Variants in EHD3 observed in about 807,000 individuals in gnomAD.
EHD3 encodes the protein EH domain-containing protein 3.
Under a neutral mutation model 43.0 loss-of-function variants are expected in EHD3, and 17 were observed. That is an observed-to-expected ratio of 0.40 (90% CI 0.27 to 0.59). The LOEUF is 0.59. EHD3 is among the 20% of genes least tolerant of loss of function. The pLI is 0.49. For synonymous variants in EHD3, 313 were observed against 289.5 expected (o/e 1.08, Z -0.82); for missense variants, 594 against 705.6 (o/e 0.84, Z 1.79).
intron 2 of EHD3, among the ~76,000 whole-genome samples, chr2:31,249,040 G>T (rs75129835): frequency 0.084 from 12,742 of 152,220 alleles, 1,048 homozygotes; most frequent in African/African-American, 0.22. Flanking sequence ...CTAAGGACTT[G>T]GGGCCATAAG....
At chr2:31,257,187 G>C (rs1160610371) in intron 3 of EHD3, among the ~76,000 whole-genome samples, 1 of 152,218 alleles carries the variant, frequency 6.6e-6, no homozygotes, top group South Asian at 2.1e-4. Flanking sequence ...TTGCAGAGGT[G>C]GGGGTTGGGG....
At position 31,266,402 on chromosome 2, in the gene EHD3, G is replaced by A; in HGVS notation, c.1306G>A (p.Asp436Asn). ...YGEGAGEGID[D>N]AEWVVARDKP... Reference sequence around the variant, plus strand: ...GGAGGGGGCTGGAGAAGGTATCGATGATGCTGAGTGGGTGGTGGCCAGGGA... The same window carrying A: ...GGAGGGGGCTGGAGAAGGTATCGATAATGCTGAGTGGGTGGTGGCCAGGGA... Residue 436 changes from aspartate (D) to asparagine (N), a missense_variant, in exon 6 of 6, where the codon GAT becomes AAT. Asp to Asn is a conservative substitution (Grantham distance 23, BLOSUM62 1). Coordinates refer to ENST00000322054, the MANE Select transcript of EHD3 (RefSeq NM_014600.3). This position sits in a 1 kb window ranked among gnomAD's most constrained non-coding sequence, Gnocchi z 5.1. The A allele has an allele frequency of 1.2e-6, 2 of 1,614,068 alleles. No individual in the cohort carries two copies. Among genetic ancestry groups the A allele is most frequent in the South Asian group, 1.1e-5 (1 of 91,070 alleles).
intron 3 of EHD3, among the ~76,000 whole-genome samples, chr2:31,255,539 A>T (rs915731984): frequency 6.6e-6 from 1 of 152,194 alleles, no homozygotes; most frequent in Non-Finnish European, 1.5e-5. Flanking sequence ...ATCCTATACC[A>T]TACCCTTTTT....
intron 3 of EHD3, among the ~76,000 whole-genome samples, chr2:31,249,849 G>A (rs1683600520): frequency 6.6e-6 from 1 of 152,210 alleles, no homozygotes. Context: ...AATGCATACA[G>A]AGAAATTCAG....
chr2:31,249,522 T>C, intron 3 of EHD3, 54 bp downstream of exon 3: 1 of 1,542,022 alleles, frequency 6.5e-7, no homozygotes, highest in Non-Finnish European at 9.0e-7. Context: ...TCTGGCACGT[T>C]CAGTCTCTTA....
intron 1 of EHD3, among the ~76,000 whole-genome samples, chr2:31,237,996 T>C (rs1361257954): frequency 6.6e-6 from 1 of 152,186 alleles, no homozygotes; most frequent in Non-Finnish European, 1.5e-5. Context: ...TGTGTGTTTT[T>C]TTTGTTTGTT....
chr2:31,234,693 G>A lies in EHD3; in HGVS notation c.72G>A (p.Gly24=). Residue 24 remains glycine (G), a synonymous_variant, in exon 1 of 6, where the codon GGG becomes GGA. Coordinates refer to ENST00000322054, the MANE Select transcript of EHD3 (RefSeq NM_014600.3). ...AGGTTTTCCAGACGGTGAGTGAGGG[G>A]CTCAAGAAACTCTACAAGAGCAAGC... is the stretch of plus-strand genomic sequence containing the variant. ...DPEVFQTVSE[G]LKKLYKSKLL... is the part of the protein sequence containing the mutation. 1 of 1,614,220 alleles carries A rather than the reference G, an allele frequency of 6.2e-7. No individual in the cohort carries two copies. Among genetic ancestry groups the A allele is most frequent in the South Asian group, 1.1e-5 (1 of 91,092 alleles).
intron 3 of EHD3, among the ~76,000 whole-genome samples, chr2:31,255,426 C>A (rs909157562): frequency 6.8e-6 from 1 of 147,854 alleles, no homozygotes. Flanking sequence ...ACCACAGAGT[C>A]CTCATTCAGC....
At chr2:31,261,886 CAG>C (rs973032319) in intron 5 of EHD3, among the ~76,000 whole-genome samples, 173 bp downstream of exon 5, 2 of 152,218 alleles carry the variant, frequency 1.3e-5, no homozygotes, top group Non-Finnish European at 2.9e-5. Flanking sequence ...ACTGGCCCAA[CAG>C]GGGCCATGTC....
chr2:31,241,802 G>A (rs1009472993), intron 1 of EHD3, among the ~76,000 whole-genome samples: 4 of 152,192 alleles, frequency 2.6e-5, no homozygotes, highest in Non-Finnish European at 5.9e-5. Context: ...CTCCCAGGAG[G>A]CCCTGAAGGA....
At chr2:31,261,038 A>G in intron 4 of EHD3, 116 bp downstream of exon 4, 1 of 1,207,424 alleles carries the variant, frequency 8.3e-7, no homozygotes, top group East Asian at 2.5e-5. Context: ...TGTGACACCA[A>G]GGGGCAGGAC....
chr2:31,251,188 C>A (rs775740436), intron 3 of EHD3, among the ~76,000 whole-genome samples: 1 of 152,212 alleles, frequency 6.6e-6, no homozygotes, highest in Non-Finnish European at 1.5e-5. Flanking sequence ...CTCCTGTGAG[C>A]TGCCTTGGTG....
In EHD3 at chr2:31,234,724, C is replaced by G; in HGVS notation, c.103C>G (p.Pro35Ala). Reference protein sequence around the residue: ...LKKLYKSKLLPLEEHYRFHEF... With the variant: ...LKKLYKSKLLALEEHYRFHEF... ...GAAACTCTACAAGAGCAAGCTGCTG[C>G]CCTTGGAAGAGCATTACCGCTTCCA... Residue 35 changes from proline to alanine, a missense_variant, in exon 1 of 6, where the codon CCC becomes GCC. Pro to Ala is a conservative substitution (Grantham distance 27). Coordinates refer to ENST00000322054, the MANE Select transcript of EHD3 (RefSeq NM_014600.3). 1 of 1,614,234 alleles carries G rather than the reference C, an allele frequency of 6.2e-7. No individual in the cohort carries two copies. The highest frequency in any genetic ancestry group is 8.5e-7 in the Non-Finnish European group (1 of 1,180,038).
chr2:31,235,374 A>G (rs1010090358), intron 1 of EHD3, among the ~76,000 whole-genome samples: 7 of 151,938 alleles, frequency 4.6e-5, no homozygotes, highest in African/African-American at 1.7e-4. Flanking sequence ...TCCTTTTATC[A>G]TTTCCTTCTC....
intron 1 of EHD3, among the ~76,000 whole-genome samples, chr2:31,237,990 TG>T (rs1244319569): frequency 1.3e-5 from 2 of 152,124 alleles, no homozygotes; most frequent in Admixed American, 1.3e-4. Context: ...TGTGTGTGTG[TG>T]TTTTTTTTGT....
intron 2 of EHD3, among the ~76,000 whole-genome samples, chr2:31,248,544 G>A (rs1038756497): frequency 4.6e-5 from 7 of 152,172 alleles, no homozygotes. Flanking sequence ...CCCAACAGCA[G>A]GAGTTGGCAA....
intron 1 of EHD3, among the ~76,000 whole-genome samples, chr2:31,242,195 G>A (rs1255130076): frequency 2.0e-5 from 3 of 152,244 alleles, no homozygotes; most frequent in African/African-American, 7.2e-5. Flanking sequence ...ATGTTGATGA[G>A]TGGGAGGAAG....
intron 5 of EHD3, among the ~76,000 whole-genome samples, chr2:31,262,003 C>T (rs1251267725): frequency 6.6e-6 from 1 of 152,208 alleles, no homozygotes; most frequent in Non-Finnish European, 1.5e-5. Context: ...TAGTCACAGC[C>T]ACCACAGGCT....
chr2:31,252,371 G>T (rs1346729381), intron 3 of EHD3, among the ~76,000 whole-genome samples: 1 of 152,346 alleles, frequency 6.6e-6, no homozygotes, highest in Middle Eastern at 3.4e-3. Flanking sequence ...TGCACAGCCT[G>T]TGCACCTGTA....
Sources: allele counts gnomAD v4.1 joint callset (sites outside exome capture counted in the v4.1 genomes callset), GRCh38; gene constraint gnomAD v4.1.1; non-coding constraint Gnocchi (gnomAD v3.1); transcripts MANE v1.5; gene names NCBI Gene and HGNC (gene_info 2026-07-23, HGNC 2026-07-21).